The following ULK4 variants were observed in gnomAD, a reference collection of about 807,000 sequenced individuals.
ULK4 encodes unc-51 like kinase 4.
In ULK4, 133 loss-of-function variants were observed where a neutral mutation model predicts 160.6. The observed-to-expected ratio is 0.83, with a 90% CI of 0.72 to 0.96. The LOEUF is 0.96. ULK4 is among the 40% of genes least tolerant of loss of function. ULK4 has a pLI of 0.00. For missense variants in ULK4, 1,580 were observed against 1,499.5 expected, an observed-to-expected ratio of 1.05 and a Z score of -0.89; for synonymous variants, 534 against 539.8, an observed-to-expected ratio of 0.99 and a Z score of 0.15.
chr3:41,874,661 T>C (rs1355739602), intron 17 of ULK4, among the ~76,000 whole-genome samples: 13 of 152,060 alleles, frequency 8.5e-5, no homozygotes, highest in Non-Finnish European at 1.5e-5. Flanking sequence ...AAGCTATGAG[T>C]ATGCAAAGGT....
chr3:41,487,680 A>C (rs2084590291), intron 32 of ULK4, among the ~76,000 whole-genome samples: 1 of 152,188 alleles, frequency 6.6e-6, no homozygotes, highest in African/African-American at 2.4e-5. Context: ...CATTCATAAA[A>C]ACAAATCCCA....
At chr3:41,349,153 T>A (rs73831333) in intron 35 of ULK4, among the ~76,000 whole-genome samples, 8,553 of 152,260 alleles carry the variant, frequency 0.056, 596 homozygotes, top group East Asian at 0.2. Flanking sequence ...ATAAGGTAGA[T>A]GGCTGAACTC....
chr3:41,861,815 G>T (rs891094692), intron 17 of ULK4, among the ~76,000 whole-genome samples: 4 of 151,716 alleles, frequency 2.6e-5, no homozygotes, highest in Non-Finnish European at 5.9e-5. Context: ...GATCTTGTAG[G>T]CGTGCTTCTT....
intron 13 of ULK4, 121 bp from the exon 14 acceptor site, chr3:41,898,613 GT>G: frequency 1.7e-6 from 1 of 595,866 alleles, no homozygotes; most frequent in Non-Finnish European, 3.0e-6. Flanking sequence ...TGCAAAATTT[GT>G]TACCAAAAAG....
chr3:41,888,579 A>G (rs1159468124), intron 16 of ULK4, among the ~76,000 whole-genome samples: 1 of 152,232 alleles, frequency 6.6e-6, no homozygotes, highest in Non-Finnish European at 1.5e-5. Flanking sequence ...TCCTTGTACA[A>G]GGAACAGTTT....
At chr3:41,631,864 G>A (rs1039623206) in intron 30 of ULK4, among the ~76,000 whole-genome samples, 1 of 152,114 alleles carries the variant, frequency 6.6e-6, no homozygotes, top group Non-Finnish European at 1.5e-5. Flanking sequence ...GTTTCGTCCA[G>A]GGCTTTACAG....
chr3:41,772,318 G>A (rs1297096442), intron 21 of ULK4, among the ~76,000 whole-genome samples: 3 of 151,922 alleles, frequency 2.0e-5, no homozygotes, highest in East Asian at 1.9e-4. Flanking sequence ...TTGATAGACT[G>A]CTAGCAAGAC....
At chr3:41,413,740 T>C (rs1436159184) in intron 34 of ULK4, among the ~76,000 whole-genome samples, 1 of 152,174 alleles carries the variant, frequency 6.6e-6, no homozygotes, top group Non-Finnish European at 1.5e-5. Flanking sequence ...AAATCAAAAC[T>C]ATGGCCCAAC....
Position 41,404,726 on chromosome 3 carries a change from G to A in ULK4, c.3493-6462C>T, listed in dbSNP as rs565633842. Among the ~76,000 whole-genome samples, 14 of 152,248 alleles carry A rather than the reference G, an allele frequency of 9.2e-5. No individual in the cohort carries two copies. In the East Asian group the frequency reaches 2.7e-3, roughly 29 times the overall value. On this transcript the variant is annotated intron_variant, in intron 34 of 36. Transcript: ENST00000301831. ...ATAAAAGGACAAGTTTGGGCTCCCT[G>A]CTGCATATGTGCATGTGCTCAGGCT... is the stretch of plus-strand genomic sequence containing the variant.
At chr3:41,295,890 C>T (rs769812510) in intron 35 of ULK4, among the ~76,000 whole-genome samples, 2 of 152,212 alleles carry the variant, frequency 1.3e-5, no homozygotes, top group Admixed American at 6.5e-5. Flanking sequence ...CTATCTAGCA[C>T]TTGTGCTCTA....
At chr3:41,822,548 G>T (rs1310673681) in intron 18 of ULK4, among the ~76,000 whole-genome samples, 2 of 151,898 alleles carry the variant, frequency 1.3e-5, no homozygotes, top group Non-Finnish European at 2.9e-5. Context: ...CTCCCAAGTA[G>T]CTGGGATTAC....
chr3:41,649,985 G>A (rs558732087), intron 30 of ULK4, among the ~76,000 whole-genome samples: 1 of 152,238 alleles, frequency 6.6e-6, no homozygotes, highest in South Asian at 2.1e-4. Flanking sequence ...CAGACATTGG[G>A]ACTACCAGCT....
chr3:41,565,366 G>A lies in ULK4; in HGVS notation c.3226+659C>T, dbSNP rs181248509. Among the ~76,000 whole-genome samples the A allele has an allele frequency of 1.8e-3, 276 of 152,270 alleles. 1 individual carries two copies. Among genetic ancestry groups the A allele is most frequent in the Middle Eastern group, 0.017 (5 of 294 alleles). On this transcript the variant is annotated intron_variant, in intron 32 of 36. Coordinates refer to ENST00000301831, the MANE Select transcript of ULK4 (RefSeq NM_017886.4). The stretch of plus-strand genomic sequence containing the variant: ...TTTTATTTTGATTGGCAGTCTTATG[G>A]TTCAAATGTTTTCCCCTCCAAAACT...
At chr3:41,933,195 A>G (rs1699653000) in intron 4 of ULK4, among the ~76,000 whole-genome samples, 1 of 152,220 alleles carries the variant, frequency 6.6e-6, no homozygotes, top group Non-Finnish European at 1.5e-5. Flanking sequence ...ACAGACTACC[A>G]GTCACTACCC....
At chr3:41,844,076 C>T (rs2042004583) in intron 17 of ULK4, among the ~76,000 whole-genome samples, 1 of 152,208 alleles carries the variant, frequency 6.6e-6, no homozygotes, top group Non-Finnish European at 1.5e-5. Flanking sequence ...CTGCAAGTCC[C>T]CACCAGACTC....
intron 30 of ULK4, among the ~76,000 whole-genome samples, chr3:41,643,668 G>T (rs900228498): frequency 1.3e-5 from 2 of 152,024 alleles, no homozygotes; most frequent in African/African-American, 4.8e-5. Context: ...TTGACTCGGT[G>T]ATGCAGGCTC....
intron 35 of ULK4, among the ~76,000 whole-genome samples, chr3:41,355,342 C>A (rs2081008897): frequency 6.6e-6 from 1 of 152,128 alleles, no homozygotes. Context: ...GCCTCCAAAC[C>A]CAAAAATGCT....
At chr3:41,937,449 A>G in intron 3 of ULK4, 1 of 592,388 alleles carries the variant, frequency 1.7e-6, no homozygotes, top group Non-Finnish European at 3.0e-6. Context: ...GCTAGTAATA[A>G]TTATATCAAT....
intron 19 of ULK4, among the ~76,000 whole-genome samples, chr3:41,801,696 T>G (rs1037462984): frequency 2.6e-4 from 40 of 151,584 alleles, no homozygotes; most frequent in Non-Finnish European, 1.0e-4. Flanking sequence ...CAAAAAGTTT[T>G]AAAAATTGGC....
Sources: gnomAD v4.1 joint callset for allele counts (sites outside exome capture counted in the v4.1 genomes callset) on GRCh38, gnomAD v4.1.1 for gene constraint, MANE v1.5 for transcripts, NCBI Gene and HGNC (gene_info 2026-07-23, HGNC 2026-07-21) for gene names.